Variants in ADGRA1 observed in about 807,000 individuals in gnomAD.
ADGRA1 encodes the protein G-protein coupled receptor 123.
In ADGRA1, 12 loss-of-function variants were observed where a neutral mutation model predicts 21.3. The observed-to-expected ratio is 0.56, with a 90% confidence interval of 0.36 to 0.91. The LOEUF (loss-of-function observed/expected upper bound fraction) is 0.91. Ranked by LOEUF, ADGRA1 falls within the 40% of genes least tolerant of loss-of-function variation. ADGRA1 has a pLI of 0.01. For synonymous variants in ADGRA1, 385 were observed against 368.8 expected (o/e 1.04, Z -0.50); for missense variants, 790 against 805.6 (o/e 0.98, Z 0.23).
rs983863783 is a variant in ADGRA1 at position 133,118,396 on chromosome 10, CAA to C, written c.402-8836_402-8835del. Among the ~76,000 whole-genome samples the C allele has an allele frequency of 1.4e-4, 22 of 152,206 alleles. 1 individual carries two copies. Among genetic ancestry groups the C allele is most frequent in the African/African-American group, 5.3e-4 (22 of 41,532 alleles). On this transcript the variant is annotated intron_variant, in intron 5 of 6. Coordinates refer to ENST00000392607, the MANE Select transcript of ADGRA1 (RefSeq NM_001083909.3). ...TTTCACACTGCCATAAAGAAATACC[CAA>C]GAGTGGGTAATTTATAAAGGAAAGA...
intron 4 of ADGRA1, 82 bp from the exon 5 acceptor site, chr10:133,102,615 A>G: frequency 6.8e-7 from 1 of 1,478,496 alleles, no homozygotes; most frequent in Non-Finnish European, 9.1e-7. Context: ...TCATTCTTGA[A>G]GTTGCAAGCC....
At chr10:133,123,685 A>G (rs1852318798) in intron 5 of ADGRA1, among the ~76,000 whole-genome samples, 1 of 149,470 alleles carries the variant, frequency 6.7e-6, no homozygotes, top group Non-Finnish European at 1.5e-5. Context: ...CGCTGGGCCG[A>G]CGTCGAGTTG....
In ADGRA1 at chr10:133,110,359, G is replaced by C. The variant is rs755192672; in HGVS notation, c.401+7517G>C. 2.6e-5 allele frequency among the ~76,000 whole-genome samples: 4 copies of C among 152,280 alleles called. 1 individual carries two copies. The highest frequency in any genetic ancestry group is 5.9e-5 in the Non-Finnish European group (4 of 68,052). On this transcript the variant is annotated intron_variant, in intron 5 of 6. Transcript: ENST00000392607. ...AGCCTCACACTCTGGCGGGAAGGCA[G>C]GTGCTGCCGTCAGTCATAAGGTTCA... is the stretch of plus-strand genomic sequence containing the variant.
rs1041300682 is a variant in ADGRA1 at position 133,123,216 on chromosome 10, C to T, written c.402-4017C>T. Among the ~76,000 whole-genome samples, 8 of 152,284 alleles carry T rather than the reference C, an allele frequency of 5.3e-5. No homozygotes were observed. In the East Asian group the frequency reaches 1.2e-3, roughly 22 times the overall value. Reference sequence around the variant, plus strand: ...CCCTCTGCGCCCGTCCCTCTGCGCCCGTCTGTGAGCATTGCTGGCTGCGCC... The same window carrying T: ...CCCTCTGCGCCCGTCCCTCTGCGCCTGTCTGTGAGCATTGCTGGCTGCGCC... On this transcript the variant is annotated intron_variant, in intron 5 of 6. Transcript: ENST00000392607.
At chr10:133,128,226 C>CCA (rs1852419995) in intron 6 of ADGRA1, 103 bp from the exon 7 acceptor site, 1 of 845,574 alleles carries the variant, frequency 1.2e-6, no homozygotes, top group Admixed American at 3.3e-5. Flanking sequence ...CTGTGCAAAG[C>CCA]CACTCGCTAG....
Position 133,088,852 on chromosome 10 carries a change from G to C in ADGRA1, c.-58G>C. 8.1e-7 allele frequency: 1 copy of C among 1,237,036 alleles called. No homozygotes were observed. Among genetic ancestry groups the C allele is most frequent in the Non-Finnish European group, 1.0e-6 (1 of 988,006 alleles). 76.6% of individuals were successfully genotyped at this position (1,237,036 alleles called of 1,614,324 possible). The stretch of plus-strand genomic sequence containing the variant: ...GCGGGGAGCAGGGCGCCACCTGATC[G>C]CCTCCCCCTGGACGCCTCCTCCAGC... On this transcript the variant is annotated 5_prime_UTR_variant, in exon 2 of 7. Transcript: ENST00000392607.
chr10:133,111,993 G>C (rs9419107), intron 5 of ADGRA1, among the ~76,000 whole-genome samples: 7,774 of 15,806 alleles, frequency 0.49, 2,451 homozygotes, highest in South Asian at 0.62. Context: ...CCCTCCTAAT[G>C]CCTCCAGACC....
chr10:133,093,061 A>T, intron 2 of ADGRA1: 1 of 1,596,236 alleles, frequency 6.3e-7, no homozygotes. Context: ...ACTGTGTAGG[A>T]AAGAAGGTTC....
chr10:133,117,041 G>C (rs930434486), intron 5 of ADGRA1, among the ~76,000 whole-genome samples: 1 of 152,156 alleles, frequency 6.6e-6, no homozygotes, highest in African/African-American at 2.4e-5. Flanking sequence ...TCTGTAGTGG[G>C]GTCCAGGGCT....
chr10:133,097,953 C>T (rs986664224), intron 3 of ADGRA1, among the ~76,000 whole-genome samples: 2 of 152,188 alleles, frequency 1.3e-5, no homozygotes, highest in East Asian at 1.9e-4. Flanking sequence ...CAGAGGCCCC[C>T]GCTTCCAAAT....
intron 5 of ADGRA1, among the ~76,000 whole-genome samples, chr10:133,121,085 T>C (rs1296602652): frequency 6.6e-6 from 1 of 152,166 alleles, no homozygotes; most frequent in Admixed American, 6.5e-5. Context: ...AAGTTCACCG[T>C]CTTATACGGG....
intron 6 of ADGRA1, among the ~76,000 whole-genome samples, chr10:133,127,898 G>A (rs1448260531): frequency 1.2e-5 from 1 of 81,554 alleles, no homozygotes; most frequent in Non-Finnish European, 2.5e-5. Context: ...CCCACCCCAC[G>A]CTGGCCACGC....
intron 4 of ADGRA1, chr10:133,102,251 G>T (rs529784812): frequency 1.5e-5 from 7 of 475,620 alleles, no homozygotes; most frequent in Admixed American, 6.6e-5. Context: ...CCGTCCCCGT[G>T]GGGGGCTCAT....
chr10:133,118,480 T>C (rs1299810478), intron 5 of ADGRA1, among the ~76,000 whole-genome samples: 1 of 152,044 alleles, frequency 6.6e-6, no homozygotes, highest in African/African-American at 2.4e-5. Context: ...CTTACAGTCA[T>C]GGTGGAAGGT....
rs1162873959 is a variant in ADGRA1 at position 133,088,077 on chromosome 10, G to A, written c.-264G>A. The A allele has an allele frequency of 1.6e-5, 16 of 985,108 alleles. No homozygotes were observed. The highest frequency in any genetic ancestry group is 1.8e-5 in the Non-Finnish European group (15 of 829,880). 61.0% of individuals were successfully genotyped at this position (985,108 alleles called of 1,614,324 possible). ...AGAGCGGGTCCCCGGCGGGGGGAGC[G>A]CAGCGCGTCTGTCTCCGGGAGCGCG... On this transcript the variant is annotated 5_prime_UTR_variant, in exon 1 of 7. Coordinates refer to ENST00000392607, the MANE Select transcript of ADGRA1 (RefSeq NM_001083909.3).
chr10:133,105,514 GCC>G (rs1851877867), intron 5 of ADGRA1, among the ~76,000 whole-genome samples: 1 of 152,178 alleles, frequency 6.6e-6, no homozygotes, highest in Non-Finnish European at 1.5e-5. Flanking sequence ...ACATGCAACG[GCC>G]ACCTCTGCTC....
chr10:133,112,392 ACGGGCCGCGTCCGTTATTTGGGGTCTG>A (rs1564850050), intron 5 of ADGRA1, among the ~76,000 whole-genome samples: 2 of 87,778 alleles, frequency 2.3e-5, no homozygotes, highest in African/African-American at 5.4e-5. Context: ...TTTGGGGTCT[ACGGGCCGCGTCCGTTATTTGGGGTCTG>A]CGGGCCATGT....
chr10:133,097,793 G>A (rs1337712873), intron 3 of ADGRA1, among the ~76,000 whole-genome samples: 4 of 152,192 alleles, frequency 2.6e-5, no homozygotes, highest in Non-Finnish European at 5.9e-5. Flanking sequence ...CACCCATGAC[G>A]CTGTGTCTGG....
At chr10:133,100,354 G>A (rs1008698007) in intron 4 of ADGRA1, among the ~76,000 whole-genome samples, 1 of 152,258 alleles carries the variant, frequency 6.6e-6, no homozygotes, top group Non-Finnish European at 1.5e-5. Flanking sequence ...GCGAGAGGCC[G>A]TCACCATCAC....
Sources: gnomAD v4.1 joint callset for allele counts (sites outside exome capture counted in the v4.1 genomes callset) on GRCh38, gnomAD v4.1.1 for gene constraint, MANE v1.5 for transcripts, NCBI Gene and HGNC (gene_info 2026-07-23, HGNC 2026-07-21) for gene names.